The following TRAIP variants were observed in gnomAD, a reference collection of about 807,000 sequenced individuals.
TRAIP encodes TRAF interacting protein.
Under a neutral mutation model 65.0 loss-of-function variants are expected in TRAIP, and 37 were observed. The observed-to-expected ratio is 0.57, with a 90% CI of 0.44 to 0.75. The LOEUF (loss-of-function observed/expected upper bound fraction) is 0.75. Ranked by LOEUF, TRAIP falls within the 30% of genes least tolerant of loss-of-function variation. The probability of loss-of-function intolerance (pLI) is 0.00; values close to 1 mark genes in which losing one functional copy is unlikely to be tolerated. For synonymous variants in TRAIP, 187 were observed against 219.1 expected, an observed-to-expected ratio of 0.85 and a Z score of 1.29; for missense variants, 481 against 579.4, an observed-to-expected ratio of 0.83 and a Z score of 1.74.
In TRAIP at chr3:49,829,061, A is replaced by G. The variant is rs761161951; in HGVS notation, c.*42T>C. ...CTGCCTGGACAGTCCTTGACCTACA[A>G]GTTGCAGGCATGTGTCTGGCCATTG... is the stretch of plus-strand genomic sequence containing the variant. On this transcript the variant is annotated 3_prime_UTR_variant, in exon 15 of 15. Transcript: ENST00000331456. 1.9e-6 allele frequency: 3 copies of G among 1,613,862 alleles called. No homozygotes were observed. The African/African-American group carries it at 4.0e-5, about 22-fold the overall frequency.
At chr3:49,839,047 G>T in intron 10 of TRAIP, among the ~76,000 whole-genome samples, 1 of 151,704 alleles carries the variant, frequency 6.6e-6, no homozygotes, top group Non-Finnish European at 1.5e-5. Flanking sequence ...AAATTAGCCA[G>T]GCGTGGTGGT....
chr3:49,829,541 C>T (rs1313045131), intron 13 of TRAIP, 33 bp from the exon 14 acceptor site: 1 of 1,614,174 alleles, frequency 6.2e-7, no homozygotes. Context: ...GTGGGCCAGG[C>T]TAATGGGCTG....
chr3:49,852,876 C>A (rs1407453870), intron 1 of TRAIP, among the ~76,000 whole-genome samples: 2 of 152,112 alleles, frequency 1.3e-5, no homozygotes, highest in Admixed American at 6.6e-5. Context: ...AATCCCGGCA[C>A]TTTGGGAGAC....
At chr3:49,847,801 G>A (rs2081898285) in intron 2 of TRAIP, among the ~76,000 whole-genome samples, 193 bp from the exon 3 acceptor site, 1 of 152,180 alleles carries the variant, frequency 6.6e-6, no homozygotes, top group African/African-American at 2.4e-5. Flanking sequence ...GGGGCTGCTG[G>A]TTTCGTGGTC....
At chr3:49,854,009 T>C (rs1218101964) in intron 1 of TRAIP, among the ~76,000 whole-genome samples, 1 of 151,820 alleles carries the variant, frequency 6.6e-6, no homozygotes, top group Admixed American at 6.6e-5. Flanking sequence ...AAAAAAATTA[T>C]TCCAAACAAA....
intron 7 of TRAIP, among the ~76,000 whole-genome samples, chr3:49,841,316 CCA>C (rs1342506916): frequency 1.4e-4 from 22 of 152,292 alleles, no homozygotes; most frequent in South Asian, 1.0e-3. Flanking sequence ...GCAGAAAGCC[CCA>C]GTCTCACTAG....
In TRAIP at chr3:49,856,362, A is replaced by G; in HGVS notation, c.92T>C (p.Leu31Ser). ...AAIHCGHTFH[L>S]QCLIQWFETA... is the part of the protein sequence containing the mutation. ...CAACACTGCAGTCACTCACCACTGC[A>G]AGTGGAAGGTGTGGCCGCAGTGGAT... The change falls in exon 1 of 15, where the codon TTG becomes TCG. Residue 31 changes from leucine (L) to serine (S), a missense_variant. Leu to Ser is a moderately radical substitution (Grantham distance 145). Coordinates refer to ENST00000331456, the MANE Select transcript of TRAIP (RefSeq NM_005879.3). 6.2e-7 allele frequency: 1 copy of G among 1,613,626 alleles called. No homozygotes were observed. Among genetic ancestry groups the G allele is most frequent in the Non-Finnish European group, 8.5e-7 (1 of 1,179,628 alleles).
chr3:49,852,967 C>T (rs561481576), intron 1 of TRAIP, among the ~76,000 whole-genome samples: 2 of 146,752 alleles, frequency 1.4e-5, no homozygotes, highest in African/African-American at 5.0e-5. Flanking sequence ...GCTACAAGTA[C>T]AAAATTTAGC....
chr3:49,841,552 G>A (rs1234772573), intron 7 of TRAIP, among the ~76,000 whole-genome samples: 2 of 152,236 alleles, frequency 1.3e-5, no homozygotes, highest in Admixed American at 6.5e-5. Context: ...AACTCCCTTA[G>A]AAACAGCACT....
In TRAIP at chr3:49,841,925, A is replaced by C. The variant is rs769383068; in HGVS notation, c.518T>G (p.Leu173Arg). The change falls in exon 7 of 15, where the codon CTC becomes CGC. Residue 173 changes from leucine (L) to arginine (R), a missense_variant. Physicochemically the swap from Leu to Arg is moderately radical, Grantham distance 102 (BLOSUM62 -2). Coordinates refer to ENST00000331456, the MANE Select transcript of TRAIP (RefSeq NM_005879.3). ...MKTMEQIELLLQSQRPEVEEM... is the reference protein window; with the variant it reads ...MKTMEQIELLRQSQRPEVEEM... ...CTCCACCTCAGGGCGCTGGCTCTGGAGTAGAAGCTCAATCCTGAAAAATAC... is the reference window on the plus strand; with the variant it reads ...CTCCACCTCAGGGCGCTGGCTCTGGCGTAGAAGCTCAATCCTGAAAAATAC... 3.1e-6 allele frequency: 5 copies of C among 1,614,160 alleles called. No homozygotes were observed. Among genetic ancestry groups the C allele is most frequent in the African/African-American group, 1.3e-5 (1 of 75,046 alleles).
rs1486715969 is a variant in TRAIP, at chr3:49,841,822, G to A, written c.617+4C>T. On this transcript the variant is annotated splice_donor_region_variant and intron_variant, in intron 7 of 14. Transcript: ENST00000331456. ...TGTTTGCTGAGAGGGGCCACAGTAC[G>A]CACTTCTTGAGAGACACACAGTACA... The A allele has an allele frequency of 5.6e-6, 9 of 1,611,576 alleles. No homozygotes were observed. Among genetic ancestry groups the A allele is most frequent in the African/African-American group, 1.3e-5 (1 of 74,884 alleles).
intron 1 of TRAIP, among the ~76,000 whole-genome samples, chr3:49,849,172 G>GT (rs899377016): frequency 1.3e-5 from 2 of 150,938 alleles, no homozygotes; most frequent in African/African-American, 4.9e-5. Flanking sequence ...TAAATTTTTT[G>GT]TTTTTTTGTT....
At chr3:49,842,161 TC>T (rs1365494792) in intron 6 of TRAIP, among the ~76,000 whole-genome samples, 1 of 152,136 alleles carries the variant, frequency 6.6e-6, no homozygotes, top group African/African-American at 2.4e-5. Flanking sequence ...GGTCTCAAGG[TC>T]AGGGATTTCC....
At chr3:49,848,224 G>C in intron 1 of TRAIP, 24 bp from the exon 2 acceptor site, 1 of 1,613,598 alleles carries the variant, frequency 6.2e-7, no homozygotes, top group South Asian at 1.1e-5. Context: ...CAGAACAATA[G>C]ACTGATGAGC....
At chr3:49,849,869 T>C (rs7373308) in intron 1 of TRAIP, among the ~76,000 whole-genome samples, 1 of 136,320 alleles carries the variant, frequency 7.3e-6, no homozygotes, top group African/African-American at 2.9e-5. Flanking sequence ...TTTTTTGAGA[T>C]GGGGTCTCAA....
intron 1 of TRAIP, among the ~76,000 whole-genome samples, chr3:49,849,840 CTTTT>C (rs1185587392): frequency 1.1e-5 from 1 of 89,854 alleles, no homozygotes; most frequent in Admixed American, 1.4e-4. Context: ...CTTTTCTTTT[CTTTT>C]TTTTTTTTTT....
At position 49,843,880 on chromosome 3, in the gene TRAIP, G is replaced by A. The variant is rs778408556; in HGVS notation, c.329C>T (p.Thr110Met). ...CACAGTAGCATTGCGTTCTTCCAGCGTATCCCGCAGAGTGTCGATGATGAC... is the reference window on the plus strand; with the variant it reads ...CACAGTAGCATTGCGTTCTTCCAGCATATCCCGCAGAGTGTCGATGATGAC... ...SQVIIDTLRD[T>M]LEERNATVVS... Residue 110 changes from threonine to methionine, a missense_variant, in exon 5 of 15, where the codon ACG (threonine) becomes ATG (methionine). By Grantham distance (81) the Thr-to-Met change is moderately conservative. Coordinates refer to ENST00000331456, the MANE Select transcript of TRAIP (RefSeq NM_005879.3). The A allele has an allele frequency of 6.8e-6, 11 of 1,613,548 alleles. No individual in the cohort carries two copies. Among genetic ancestry groups the A allele is most frequent in the Admixed American group, 1.7e-5 (1 of 60,006 alleles).
chr3:49,847,934 T>C (rs1469030540), intron 2 of TRAIP, among the ~76,000 whole-genome samples: 1 of 152,126 alleles, frequency 6.6e-6, no homozygotes, highest in Non-Finnish European at 1.5e-5. Flanking sequence ...AAGTGAAAAC[T>C]GGCCCAGGCA....
At chr3:49,856,142 T>C (rs2081967438) in intron 1 of TRAIP, among the ~76,000 whole-genome samples, 1 of 152,204 alleles carries the variant, frequency 6.6e-6, no homozygotes, top group African/African-American at 2.4e-5. Context: ...GCCATCTTAG[T>C]CCCCCTCAGG....
Sources: gnomAD v4.1 joint callset for allele counts (sites outside exome capture counted in the v4.1 genomes callset) on GRCh38, gnomAD v4.1.1 for gene constraint, MANE v1.5 for transcripts, NCBI Gene and HGNC (gene_info 2026-07-23, HGNC 2026-07-21) for gene names.